Variants in PPARGC1A observed in about 807,000 individuals in gnomAD.
PPARGC1A encodes the protein PPARG coactivator 1 alpha.
PPARGC1A carries 25 observed loss-of-function variants against 88.7 expected under a neutral mutation model. The ratio of observed to expected loss-of-function variants is 0.28; its 90% CI spans 0.21 to 0.39. PPARGC1A has a LOEUF of 0.39. Ranked by LOEUF, PPARGC1A falls within the 10% of genes least tolerant of loss-of-function variation. The pLI is 1.00. For missense variants in PPARGC1A, 880 were observed against 968.7 expected (o/e 0.91, Z 1.22); for synonymous variants, 363 against 355.6 (o/e 1.02, Z -0.24).
the PPARGC1A span, among the ~76,000 whole-genome samples, chr4:24,177,496 T>C: frequency 6.6e-6 from 1 of 151,798 alleles, no homozygotes; most frequent in Admixed American, 6.6e-5. Flanking sequence ...GGGATAGCAT[T>C]AGGAGATATA....
At chr4:24,074,883 C>T in the PPARGC1A span, among the ~76,000 whole-genome samples, 4 of 152,224 alleles carry the variant, frequency 2.6e-5, no homozygotes, top group South Asian at 8.3e-4. Context: ...ACACTCACAC[C>T]TGCTCTAAGT....
chr4:24,256,448 T>C, the PPARGC1A span, among the ~76,000 whole-genome samples: 1 of 152,206 alleles, frequency 6.6e-6, no homozygotes, highest in Non-Finnish European at 1.5e-5. Context: ...TGACAGTTAG[T>C]AAACAGGAGA....
the PPARGC1A span, among the ~76,000 whole-genome samples, chr4:24,336,829 A>G: frequency 2.0e-5 from 3 of 152,122 alleles, no homozygotes; most frequent in Admixed American, 6.6e-5. Context: ...TTGGGAGGCT[A>G]AGGAAGGAGG....
At chr4:24,145,839 C>T in the PPARGC1A span, among the ~76,000 whole-genome samples, 1 of 152,126 alleles carries the variant, frequency 6.6e-6, no homozygotes, top group Non-Finnish European at 1.5e-5. Flanking sequence ...CTAAACTTCA[C>T]TATATTATCG....
At chr4:24,023,547 T>C in the PPARGC1A span, among the ~76,000 whole-genome samples, 2 of 152,166 alleles carry the variant, frequency 1.3e-5, no homozygotes, top group Non-Finnish European at 2.9e-5. Flanking sequence ...AAGGATATAG[T>C]AGTTGATATC....
At chr4:23,974,656 G>A in the PPARGC1A span, among the ~76,000 whole-genome samples, 1 of 151,398 alleles carries the variant, frequency 6.6e-6, no homozygotes, top group Non-Finnish European at 1.5e-5. Context: ...TTTTTGAGAC[G>A]GAGTCTTGCT....
chr4:24,468,336 T>C, the PPARGC1A span, among the ~76,000 whole-genome samples: 2 of 152,238 alleles, frequency 1.3e-5, no homozygotes, highest in Admixed American at 6.5e-5. Flanking sequence ...TGCTGTCTGC[T>C]GCACTGAGCC....
rs781317924 is a variant in PPARGC1A, at chr4:23,801,712, G to A, written c.2293+18C>T. ...CTACATTATGGATTCCTCATTCCAC[G>A]TACAATAAAATCCATACCTAGGTCT... On this transcript the variant is annotated intron_variant, in intron 12 of 12. Transcript: ENST00000264867. 1.2e-5 allele frequency: 19 copies of A among 1,613,164 alleles called. No homozygotes were observed. Among genetic ancestry groups the A allele is most frequent in the Admixed American group, 5.0e-5 (3 of 59,976 alleles).
chr4:24,431,659 G>A, the PPARGC1A span, among the ~76,000 whole-genome samples: 1 of 152,184 alleles, frequency 6.6e-6, no homozygotes, highest in African/African-American at 2.4e-5. Flanking sequence ...AAGGTACTTT[G>A]TGGCCTCATC....
the PPARGC1A span, among the ~76,000 whole-genome samples, chr4:24,042,605 T>C: frequency 1.5e-3 from 232 of 152,328 alleles, 1 homozygote; most frequent in Middle Eastern, 0.017. Flanking sequence ...ATGCAATAGA[T>C]ACCGGACCAC....
At chr4:24,440,524 G>A in the PPARGC1A span, among the ~76,000 whole-genome samples, 2,724 of 152,230 alleles carry the variant, frequency 0.018, 30 homozygotes, top group Middle Eastern at 0.048. Context: ...TTTCTTGGCC[G>A]GCCGCAGTGG....
At chr4:24,217,677 C>A in the PPARGC1A span, among the ~76,000 whole-genome samples, 1 of 152,144 alleles carries the variant, frequency 6.6e-6, no homozygotes, top group African/African-American at 2.4e-5. Flanking sequence ...GTGGTGCACA[C>A]CTGTAGTCCC....
At chr4:24,284,234 G>A in the PPARGC1A span, among the ~76,000 whole-genome samples, 8 of 151,978 alleles carry the variant, frequency 5.3e-5, no homozygotes, top group Admixed American at 1.3e-4. Context: ...GCTTGAACCC[G>A]GGAGGCAGAG....
At chr4:23,880,661 G>C (rs756127109) in intron 2 of PPARGC1A, 1 of 152,128 alleles carries the variant, frequency 6.6e-6, no homozygotes, top group Non-Finnish European at 1.5e-5. Flanking sequence ...CCTTGAAAGC[G>C]TCCACATTCA....
the PPARGC1A span, among the ~76,000 whole-genome samples, chr4:24,409,094 T>C: frequency 2.0e-5 from 3 of 152,228 alleles, no homozygotes; most frequent in Admixed American, 2.0e-4. Context: ...TATATTCTTC[T>C]CTATAATCTT....
At chr4:24,444,142 C>T in the PPARGC1A span, among the ~76,000 whole-genome samples, 1 of 152,126 alleles carries the variant, frequency 6.6e-6, no homozygotes, top group Middle Eastern at 3.2e-3. Flanking sequence ...AGCGATTCTC[C>T]TGCCTCAGCC....
intron 2 of PPARGC1A, among the ~76,000 whole-genome samples, chr4:23,860,486 T>C (rs1290877945): frequency 6.6e-6 from 1 of 152,142 alleles, no homozygotes; most frequent in Non-Finnish European, 1.5e-5. Flanking sequence ...AAAGTAACTA[T>C]GTGAGGTGAT....
chr4:24,172,276 A>G, the PPARGC1A span, among the ~76,000 whole-genome samples: 5 of 152,302 alleles, frequency 3.3e-5, no homozygotes, highest in Admixed American at 2.0e-4. Flanking sequence ...CCAACTCAGT[A>G]ATGTTTTAAT....
chr4:24,235,943 G>A, the PPARGC1A span, among the ~76,000 whole-genome samples: 26 of 152,242 alleles, frequency 1.7e-4, no homozygotes, highest in African/African-American at 4.8e-4. Context: ...TCAGAGGTGT[G>A]TTTTCCTTCA....
Sources: gnomAD v4.1 joint callset for allele counts (sites outside exome capture counted in the v4.1 genomes callset) on GRCh38, gnomAD v4.1.1 for gene constraint, MANE v1.5 for transcripts, NCBI Gene and HGNC (gene_info 2026-07-23, HGNC 2026-07-21) for gene names.